KCNMA1: variants seen among roughly 807,000 people sequenced by gnomAD.
The protein encoded by KCNMA1 is Calcium-activated potassium channel subunit alpha-1.
In KCNMA1, 29 loss-of-function variants were observed where a neutral mutation model predicts 140.0. That is an observed-to-expected ratio of 0.21 (90% confidence interval 0.15 to 0.28). KCNMA1 has a LOEUF of 0.28. KCNMA1 is among the 10% of genes least tolerant of loss of function. KCNMA1 has a pLI of 1.00. For missense variants in KCNMA1, 880 were observed against 1,602.2 expected, an observed-to-expected ratio of 0.55 and a Z score of 7.70; for synonymous variants, 612 against 611.9, an observed-to-expected ratio of 1.00 and a Z score of 0.00.
intron 1 of KCNMA1, among the ~76,000 whole-genome samples, chr10:77,505,234 A>G (rs896615265): frequency 6.6e-6 from 1 of 152,256 alleles, no homozygotes; most frequent in East Asian, 1.9e-4. Flanking sequence ...AACCAGTCCA[A>G]GTGAGTACAG....
At chr10:76,918,973 A>C (rs578083538) in intron 23 of KCNMA1, among the ~76,000 whole-genome samples, 3 of 151,980 alleles carry the variant, frequency 2.0e-5, no homozygotes, top group African/African-American at 7.2e-5. Context: ...AATACTACAC[A>C]GCCATACAAA....
chr10:76,998,696 A>G (rs2153391060), intron 19 of KCNMA1, among the ~76,000 whole-genome samples: 1 of 152,172 alleles, frequency 6.6e-6, no homozygotes, highest in African/African-American at 2.4e-5. Context: ...GCCCACTCTC[A>G]CCACTGCTCT....
chr10:77,200,539 C>A (rs2042125266), intron 3 of KCNMA1, among the ~76,000 whole-genome samples: 1 of 152,006 alleles, frequency 6.6e-6, no homozygotes, highest in African/African-American at 2.4e-5. Context: ...ATCACTGAAG[C>A]AATTTCCTAA....
chr10:77,496,167 C>T (rs894445337), intron 1 of KCNMA1, among the ~76,000 whole-genome samples: 3 of 152,292 alleles, frequency 2.0e-5, no homozygotes, highest in Middle Eastern at 6.8e-3. Context: ...CTTAGCAGCA[C>T]CCTGGACTCC....
chr10:77,580,054 C>T (rs1199117003), intron 1 of KCNMA1, among the ~76,000 whole-genome samples: 2 of 152,066 alleles, frequency 1.3e-5, no homozygotes, highest in Admixed American at 6.6e-5. Context: ...AAACAAAAAC[C>T]TTCAATGTCT....
At chr10:77,611,834 T>A (rs1187500927) in intron 1 of KCNMA1, among the ~76,000 whole-genome samples, 1 of 152,150 alleles carries the variant, frequency 6.6e-6, no homozygotes, top group African/African-American at 2.4e-5. Flanking sequence ...AGGTACTGTG[T>A]GCTCAGACAA....
chr10:77,247,218 G>GTCA (rs1306738189), intron 3 of KCNMA1, among the ~76,000 whole-genome samples: 2 of 152,306 alleles, frequency 1.3e-5, no homozygotes, highest in African/African-American at 4.8e-5. Context: ...ACACATGTGA[G>GTCA]TCATCCTTTC....
chr10:77,472,044 C>T (rs2098170318), intron 1 of KCNMA1, among the ~76,000 whole-genome samples: 1 of 148,788 alleles, frequency 6.7e-6, no homozygotes. Flanking sequence ...CACATATTCA[C>T]ATACATGTAC....
chr10:76,909,540 A>C (rs1385148942), intron 25 of KCNMA1, among the ~76,000 whole-genome samples: 1 of 152,170 alleles, frequency 6.6e-6, no homozygotes, highest in Non-Finnish European at 1.5e-5. Context: ...CCCATGGTCC[A>C]GCCTCACAGG....
intron 14 of KCNMA1, among the ~76,000 whole-genome samples, chr10:77,048,250 A>G (rs187514468): frequency 2.6e-5 from 4 of 152,048 alleles, no homozygotes; most frequent in Non-Finnish European, 5.9e-5. Flanking sequence ...GTTTCTAAGC[A>G]CTTACTCTCA....
Position 77,108,631 on chromosome 10 carries a change from C to A in KCNMA1, c.1132-59G>T. On this transcript the variant is annotated intron_variant, in intron 8 of 27. Transcript: ENST00000286628. This position sits in a 1 kb window ranked among gnomAD's most constrained non-coding sequence, Gnocchi z 4.6. ...AGACAGGCCAAAGAAAAGGGGGGACCTGTTCAGAGGGTGGGGGCACTAAGA... is the reference window on the plus strand; with the variant it reads ...AGACAGGCCAAAGAAAAGGGGGGACATGTTCAGAGGGTGGGGGCACTAAGA... The A allele has an allele frequency of 7.8e-7, 1 of 1,277,398 alleles. No individual in the cohort carries two copies. Among genetic ancestry groups the A allele is most frequent in the Non-Finnish European group, 1.1e-6 (1 of 879,032 alleles). The allele number at this position is 1,277,398 out of a possible 1,614,324, so 79.1% of individuals were successfully genotyped here. A position where few individuals can be genotyped will look rare whatever the true frequency, so the allele number is the denominator to read the frequency against.
chr10:77,287,083 C>T (rs2607802), intron 2 of KCNMA1, among the ~76,000 whole-genome samples: 131,142 of 152,216 alleles, frequency 0.86, 56,935 homozygotes, highest in African/African-American at 0.97. Flanking sequence ...TCAAGGACAA[C>T]TTCCTGAATC....
chr10:77,068,794 C>T (rs1431692341), intron 14 of KCNMA1, among the ~76,000 whole-genome samples: 5 of 127,668 alleles, frequency 3.9e-5, no homozygotes, highest in African/African-American at 1.5e-4. Context: ...TTTAAATGTG[C>T]TACATTGGAA....
At chr10:77,380,400 C>T (rs2095341287) in intron 2 of KCNMA1, among the ~76,000 whole-genome samples, 1 of 152,168 alleles carries the variant, frequency 6.6e-6, no homozygotes, top group African/African-American at 2.4e-5. Context: ...GGTCTTCATT[C>T]AGCCAGTGGT....
At chr10:77,265,805 G>A (rs1349046283) in intron 2 of KCNMA1, among the ~76,000 whole-genome samples, 4 of 152,184 alleles carry the variant, frequency 2.6e-5, no homozygotes, top group Non-Finnish European at 4.4e-5. Flanking sequence ...CTTAGGCTGG[G>A]TGCTGTGGCT....
At chr10:77,100,675 G>A (rs1447415378) in intron 9 of KCNMA1, among the ~76,000 whole-genome samples, 1 of 152,160 alleles carries the variant, frequency 6.6e-6, no homozygotes, top group African/African-American at 2.4e-5. Context: ...GCACAGCTCT[G>A]GAAAGAAGTC....
intron 20 of KCNMA1, among the ~76,000 whole-genome samples, chr10:76,960,047 A>G (rs1420274288): frequency 6.6e-6 from 1 of 152,234 alleles, no homozygotes; most frequent in African/African-American, 2.4e-5. Flanking sequence ...GGAGGCAGCC[A>G]TATCTTGTTC....
At chr10:77,145,755 T>C (rs1007962216) in intron 5 of KCNMA1, among the ~76,000 whole-genome samples, 2 of 152,190 alleles carry the variant, frequency 1.3e-5, no homozygotes, top group Admixed American at 6.5e-5. Flanking sequence ...AAAGTAATAG[T>C]ACATTTATTC....
chr10:77,425,914 T>A (rs1280620029), intron 1 of KCNMA1, among the ~76,000 whole-genome samples: 1 of 152,132 alleles, frequency 6.6e-6, no homozygotes, highest in East Asian at 1.9e-4. Context: ...TTTCTGAGGC[T>A]GAGAGAGGAT....
Sources: allele counts gnomAD v4.1 joint callset (sites outside exome capture counted in the v4.1 genomes callset), GRCh38; gene constraint gnomAD v4.1.1; non-coding constraint Gnocchi (gnomAD v3.1); transcripts MANE v1.5; gene names NCBI Gene and HGNC (gene_info 2026-07-23, HGNC 2026-07-21).